Variants in GDA observed in about 807,000 individuals in gnomAD.
GDA encodes the protein guanine deaminase.
Under a neutral mutation model 59.6 loss-of-function variants are expected in GDA, and 18 were observed. The ratio of observed to expected loss-of-function variants is 0.30; its 90% CI spans 0.21 to 0.45. GDA has a LOEUF of 0.45. Ranked by LOEUF, GDA falls within the 20% of genes least tolerant of loss-of-function variation. GDA has a pLI of 1.00. For synonymous variants in GDA, 201 were observed against 201.1 expected (o/e 1.00, Z 0.00); for missense variants, 427 against 552.3 (o/e 0.77, Z 2.27).
chr9:72,145,674 T>C (rs73647202), upstream of GDA, among the ~76,000 whole-genome samples: 1,375 of 152,270 alleles, frequency 9.0e-3, 27 homozygotes, highest in African/African-American at 0.031. Context: ...ACCCCAGTAG[T>C]TGGGGAATTT....
intron 1 of GDA, among the ~76,000 whole-genome samples, chr9:72,176,908 T>A (rs1830599655): frequency 6.6e-6 from 1 of 152,088 alleles, no homozygotes; most frequent in South Asian, 2.1e-4. Context: ...CTGATTCAGT[T>A]TATCCTTCCA....
At chr9:72,197,364 TTACCATC>T (rs1833319373) in intron 2 of GDA, 1 of 152,226 alleles carries the variant, frequency 6.6e-6, no homozygotes, top group Admixed American at 6.5e-5. Flanking sequence ...GCTTCTGCTG[TTACCATC>T]TACTTCCTCT....
intron 1 of GDA, among the ~76,000 whole-genome samples, chr9:72,179,171 G>A (rs1050182014): frequency 2.6e-5 from 4 of 152,060 alleles, no homozygotes; most frequent in Admixed American, 6.6e-5. Context: ...TGACGTTTTC[G>A]AGCTTGTCCA....
At chr9:72,123,733 T>C (rs758614335) in intron 1 of GDA, among the ~76,000 whole-genome samples, 2 of 152,136 alleles carry the variant, frequency 1.3e-5, no homozygotes, top group Non-Finnish European at 2.9e-5. Context: ...GTGATCCACC[T>C]GCCTTGGCTT....
chr9:72,165,918 A>C (rs1040377996), intron 1 of GDA, among the ~76,000 whole-genome samples: 30 of 152,060 alleles, frequency 2.0e-4, no homozygotes, highest in African/African-American at 6.3e-4. Flanking sequence ...AAAACAACAA[A>C]AAATGCGGCT....
chr9:72,250,758 C>G lies in GDA; in HGVS notation c.*2416C>G. On this transcript the variant is annotated 3_prime_UTR_variant, in exon 14 of 14. Transcript: ENST00000358399. ...ATCTTGCTCTCTGACAGGAAAGAAA[C>G]AATTCACTTACCAGCCTCCTCACCC... is the stretch of plus-strand genomic sequence containing the variant. 1 of 1,611,620 alleles carries G rather than the reference C, an allele frequency of 6.2e-7. No homozygotes were observed. Among genetic ancestry groups the G allele is most frequent in the Non-Finnish European group, 8.5e-7 (1 of 1,178,948 alleles).
intron 1 of GDA, among the ~76,000 whole-genome samples, chr9:72,187,053 T>C (rs1176195149): frequency 1.3e-5 from 2 of 152,234 alleles, no homozygotes; most frequent in Non-Finnish European, 2.9e-5. Flanking sequence ...ATACACTTAA[T>C]GCATATTTTT....
intron 4 of GDA, among the ~76,000 whole-genome samples, chr9:72,211,086 T>C (rs1394382076): frequency 6.6e-6 from 1 of 152,210 alleles, no homozygotes; most frequent in African/African-American, 2.4e-5. Flanking sequence ...TAGGGCTTTT[T>C]AGGGAAACTT....
chr9:72,137,535 C>T (rs905552316), intron 1 of GDA, among the ~76,000 whole-genome samples: 4 of 151,928 alleles, frequency 2.6e-5, no homozygotes, highest in Non-Finnish European at 5.9e-5. Context: ...CGTGAGCCAC[C>T]GTGCCTGGCC....
chr9:72,116,546 C>A (rs1178484447), intron 1 of GDA, among the ~76,000 whole-genome samples: 2 of 151,916 alleles, frequency 1.3e-5, no homozygotes. Context: ...CCATGCCCAG[C>A]TAATTTTTGT....
intron 1 of GDA, among the ~76,000 whole-genome samples, chr9:72,117,650 A>C (rs541521022): frequency 1.3e-5 from 2 of 152,226 alleles, no homozygotes; most frequent in African/African-American, 4.8e-5. Context: ...AATCTTTCCC[A>C]GAGGACATCC....
At chr9:72,153,310 T>G (rs946641433) in intron 1 of GDA, among the ~76,000 whole-genome samples, 2 of 152,118 alleles carry the variant, frequency 1.3e-5, no homozygotes, top group Admixed American at 6.5e-5. Context: ...TAAAGTAGTT[T>G]TTTCCAATTC....
At chr9:72,259,408 T>C (rs1381412025), downstream of GDA, among the ~76,000 whole-genome samples, 2 of 152,206 alleles carry the variant, frequency 1.3e-5, no homozygotes, top group Non-Finnish European at 2.9e-5. Context: ...TGGCCTGTCC[T>C]GGATGCCAGG....
In GDA at chr9:72,250,392, A is replaced by T. The variant is rs893081850; in HGVS notation, c.*2050A>T. On this transcript the variant is annotated 3_prime_UTR_variant, in exon 14 of 14. Coordinates refer to ENST00000358399, the MANE Select transcript of GDA (RefSeq NM_004293.5). The stretch of plus-strand genomic sequence containing the variant: ...TATAAATAAGTGTAGCATCAGAAGC[A>T]GTAGGAATGGCCGTATACAACCATC... 2 of 1,134,856 alleles carry T rather than the reference A, an allele frequency of 1.8e-6. No homozygotes were observed. Among genetic ancestry groups the T allele is most frequent in the Admixed American group, 4.7e-5 (1 of 21,302 alleles). The allele number at this position is 1,134,856 out of a possible 1,614,324, so 70.3% of individuals were successfully genotyped here.
intron 6 of GDA, among the ~76,000 whole-genome samples, chr9:72,222,103 T>C (rs573431805): frequency 6.6e-6 from 1 of 152,348 alleles, no homozygotes; most frequent in African/African-American, 2.4e-5. Context: ...TCAAATGGTA[T>C]TTCTGTCTCT....
intron 1 of GDA, among the ~76,000 whole-genome samples, chr9:72,126,497 A>G (rs1825851925): frequency 6.6e-6 from 1 of 152,090 alleles, no homozygotes; most frequent in Admixed American, 6.6e-5. Flanking sequence ...GCCAACTGGA[A>G]CAAGATAGGA....
chr9:72,240,981 A>C (rs180839263), intron 10 of GDA, among the ~76,000 whole-genome samples, 171 bp from the exon 11 acceptor site: 203 of 152,340 alleles, frequency 1.3e-3, no homozygotes, highest in Non-Finnish European at 2.5e-3. Flanking sequence ...CTAATTACAG[A>C]TTTTGAATTG....
intron 1 of GDA, among the ~76,000 whole-genome samples, chr9:72,132,812 G>A (rs1826071090): frequency 6.6e-6 from 1 of 152,140 alleles, no homozygotes; most frequent in Non-Finnish European, 1.5e-5. Context: ...TAAGTTGTAA[G>A]ATTTGTGACT....
chr9:72,250,918 T>A lies in GDA; in HGVS notation c.*2576T>A, dbSNP rs188982128. On this transcript the variant is annotated 3_prime_UTR_variant, in exon 14 of 14. Coordinates refer to ENST00000358399, the MANE Select transcript of GDA (RefSeq NM_004293.5). ...CAACCAGAACACAAAAGCAGGCTAG[T>A]CAGCTAAGGTAAATTTCATTTTCAA... 8.9e-4 allele frequency: 1,068 copies of A among 1,196,442 alleles called. 6 individuals are homozygous for A. The highest frequency in any genetic ancestry group is 3.4e-3 in the South Asian group (268 of 78,714). 74.1% of individuals were successfully genotyped at this position (1,196,442 alleles called of 1,614,324 possible). A position where few individuals can be genotyped will look rare whatever the true frequency, so the allele number is the denominator to read the frequency against.
Sources: gnomAD v4.1 joint callset for allele counts (sites outside exome capture counted in the v4.1 genomes callset) on GRCh38, gnomAD v4.1.1 for gene constraint, MANE v1.5 for transcripts, NCBI Gene and HGNC (gene_info 2026-07-23, HGNC 2026-07-21) for gene names.